ENTR1: variants seen among roughly 807,000 people sequenced by gnomAD.
ENTR1 encodes the protein endosome-associated-trafficking regulator 1.
ENTR1 carries 47 observed loss-of-function variants against 47.9 expected under a neutral mutation model. That is an observed-to-expected ratio of 0.98 (90% CI 0.78 to 1.25). The LOEUF is 1.25. Among genes scored for constraint, ENTR1 ranks in the 50% most tolerant of loss-of-function variants. The pLI, the probability that ENTR1 is intolerant of heterozygous loss-of-function variation, is 0.00. For missense variants in ENTR1, 668 were observed against 570.5 expected (o/e 1.17, Z -1.74); for synonymous variants, 290 against 245.8 (o/e 1.18, Z -1.68).
chr9:136,409,939 AG>A, intron 2 of ENTR1, 150 bp downstream of exon 2: 1 of 925,762 alleles, frequency 1.1e-6, no homozygotes, highest in Non-Finnish European at 1.7e-6. Context: ...AGCTCCTAGC[AG>A]GGGACTCCGC....
chr9:136,406,870 C>T lies in ENTR1; in HGVS notation c.819+275G>A, dbSNP rs979649159. On this transcript the variant is annotated intron_variant, in intron 5 of 9. Coordinates refer to ENST00000357365, the MANE Select transcript of ENTR1 (RefSeq NM_001039707.2). ...CCTCTTGGAATACTTAGCAAGCTGG[C>T]GACTGCAGCCTGCCTTTACTGAGGG... is the stretch of plus-strand genomic sequence containing the variant. 7.0e-5 allele frequency: 25 copies of T among 357,864 alleles called. No individual in the cohort carries two copies. The Middle Eastern group carries it at 2.3e-3, about 32-fold the overall frequency. The allele number at this position is 357,864 out of a possible 1,614,324, so 22.2% of individuals were successfully genotyped here. A position where few individuals can be genotyped will look rare whatever the true frequency, so the allele number is the denominator to read the frequency against.
chr9:136,406,031 G>A, intron 5 of ENTR1, 53 bp from the exon 6 acceptor site: 1 of 1,409,646 alleles, frequency 7.1e-7, no homozygotes, highest in Non-Finnish European at 9.8e-7. Context: ...GCTCAAAAGG[G>A]CGTGTGCTTC....
Position 136,410,374 on chromosome 9 carries a change from C to G in ENTR1, c.24G>C (p.Pro8=). ...GGGCTCGGGACAGCGGGGTGGCGCCCGGGCGGCGCTGGTAGCCCGACATCG... is the reference window on the plus strand; with the variant it reads ...GGGCTCGGGACAGCGGGGTGGCGCCGGGGCGGCGCTGGTAGCCCGACATCG... MSGYQRR[P]GATPLSRARS... The change falls in exon 1 of 10, where the codon CCG becomes CCC. Residue 8 remains proline (P), a synonymous_variant. Transcript: ENST00000357365. 4.8e-6 allele frequency: 7 copies of G among 1,450,844 alleles called. No homozygotes were observed. Among genetic ancestry groups the G allele is most frequent in the Non-Finnish European group, 6.3e-6 (7 of 1,108,496 alleles). 89.9% of individuals were successfully genotyped at this position (1,450,844 alleles called of 1,614,324 possible). A position where few individuals can be genotyped will look rare whatever the true frequency, so the allele number is the denominator to read the frequency against.
Position 136,404,668 on chromosome 9 carries a change from T to C in ENTR1, c.1031A>G (p.His344Arg). The change falls in exon 8 of 10, where the codon CAC becomes CGC. Residue 344 changes from histidine (H) to arginine (R), a missense_variant. Physicochemically the swap from His to Arg is conservative, Grantham distance 29. Coordinates refer to ENST00000357365, the MANE Select transcript of ENTR1 (RefSeq NM_001039707.2). ...GATTTCCTGTTTTAGTTTCACGACG[T>C]GGTTTTCTGCCTTTACAGCCCGTTT... ...MTKRAVKAEN[H>R]VVKLKQEISL... is the part of the protein sequence containing the mutation. The C allele has an allele frequency of 6.2e-7, 1 of 1,614,128 alleles. No homozygotes were observed. The highest frequency in any genetic ancestry group is 2.2e-5 in the East Asian group (1 of 44,876).
rs527601466 is a variant in ENTR1 at position 136,404,136 on chromosome 9, C to A, written c.1127G>T (p.Ser376Ile). The A allele has an allele frequency of 1.9e-6, 3 of 1,613,346 alleles. No homozygotes were observed. The highest frequency in any genetic ancestry group is 2.7e-5 in the African/African-American group (2 of 75,064). Residue 376 changes from serine (S) to isoleucine (I), a missense_variant, in exon 9 of 10, where the codon AGC (serine) becomes ATC (isoleucine). Coordinates refer to ENST00000357365, the MANE Select transcript of ENTR1 (RefSeq NM_001039707.2). ...GGCGTTCTGCTTCACCACGGTCAGG[C>A]TGGCACCCTGGCCGCACCGCAGGGC... Reference protein sequence around the residue: ...NEALRCGQGASLTVVKQNADV... With the variant: ...NEALRCGQGAILTVVKQNADV...
In ENTR1 at chr9:136,410,592, C is replaced by T. The variant is rs1473364426; in HGVS notation, c.-195G>A. The T allele has an allele frequency of 4.0e-6, 5 of 1,261,982 alleles. No individual in the cohort carries two copies. The East Asian group carries it at 8.7e-5, about 22-fold the overall frequency. 78.2% of individuals were successfully genotyped at this position (1,261,982 alleles called of 1,614,324 possible). On this transcript the variant is annotated 5_prime_UTR_variant, in exon 1 of 10. Coordinates refer to ENST00000357365, the MANE Select transcript of ENTR1 (RefSeq NM_001039707.2). Reference sequence around the variant, plus strand: ...GCACCGAAAGCGCGTGCCTGAACGCCTTGGGCCGTCGGCGAGGGGGAGGGG... The same window carrying T: ...GCACCGAAAGCGCGTGCCTGAACGCTTTGGGCCGTCGGCGAGGGGGAGGGG...
intron 5 of ENTR1, among the ~76,000 whole-genome samples, chr9:136,406,208 G>A (rs1017589218): frequency 6.6e-6 from 1 of 152,098 alleles, no homozygotes; most frequent in Non-Finnish European, 1.5e-5. Flanking sequence ...AGTGGCTCGC[G>A]CCTGTAATCC....
At chr9:136,409,114 G>A (rs994004877) in intron 2 of ENTR1, 47 bp from the exon 3 acceptor site, 3 of 1,565,818 alleles carry the variant, frequency 1.9e-6, no homozygotes, top group Middle Eastern at 1.7e-4. Context: ...AAGTCTTTAT[G>A]ACCTCACATT....
Position 136,402,811 on chromosome 9 carries a change from T to C in ENTR1, c.1285A>G (p.Lys429Glu). ...CCTCAAGAGTCTTCCTCCTCGTCTTTAACTTCAGAAATTCTGTCTATAGAT... is the reference window on the plus strand; with the variant it reads ...CCTCAAGAGTCTTCCTCCTCGTCTTCAACTTCAGAAATTCTGTCTATAGAT... ...LKSIDRISEV[K>E]DEEEDS The change falls in exon 10 of 10, where the codon AAA (lysine) becomes GAA (glutamate). Residue 429 changes from lysine (K) to glutamate (E), a missense_variant. Lys to Glu is a moderately conservative substitution (Grantham distance 56). Transcript: ENST00000357365. The C allele has an allele frequency of 6.2e-7, 1 of 1,613,086 alleles. No individual in the cohort carries two copies. Among genetic ancestry groups the C allele is most frequent in the Non-Finnish European group, 8.5e-7 (1 of 1,179,760 alleles).
rs779114256 is a variant in ENTR1 at position 136,407,150 on chromosome 9, C to T, written c.814G>A (p.Asp272Asn). 4.4e-6 allele frequency: 7 copies of T among 1,593,810 alleles called. No individual in the cohort carries two copies. Among genetic ancestry groups the T allele is most frequent in the Non-Finnish European group, 3.4e-6 (4 of 1,166,544 alleles). ...GCGCCGTGAGGCTCACTTACTGCGT[C>T]GTAACTTATCTGCAGCGTCCGCAGG... The part of the protein sequence containing the change: ...RHLRTLQISY[D>N]ALKDENSKLR... The change falls in exon 5 of 10, where the codon GAC becomes AAC. Residue 272 changes from aspartate (D) to asparagine (N), a missense_variant. Transcript: ENST00000357365.
At chr9:136,408,380 C>T (rs1175828738) in intron 3 of ENTR1, among the ~76,000 whole-genome samples, 1 of 152,088 alleles carries the variant, frequency 6.6e-6, no homozygotes, top group East Asian at 1.9e-4. Context: ...AGACTGAGAC[C>T]ATCCTGGCTA....
chr9:136,406,107 C>A, intron 5 of ENTR1, 129 bp from the exon 6 acceptor site: 2 of 541,806 alleles, frequency 3.7e-6, no homozygotes, highest in Non-Finnish European at 6.4e-6. Context: ...CCACCTGCAG[C>A]CACTACAGAG....
chr9:136,407,953 A>G lies in ENTR1; in HGVS notation c.290-15T>C. On this transcript the variant is annotated splice_polypyrimidine_tract_variant and intron_variant, in intron 3 of 9. Transcript: ENST00000357365. Reference sequence around the variant, plus strand: ...AAATCTGTCATCTGAAATAACAGACATCACAAATGCATAAAGTCTACTGAA... The same window carrying G: ...AAATCTGTCATCTGAAATAACAGACGTCACAAATGCATAAAGTCTACTGAA... 1 of 1,487,296 alleles carries G rather than the reference A, an allele frequency of 6.7e-7. No individual in the cohort carries two copies. The highest frequency in any genetic ancestry group is 1.1e-5 in the South Asian group (1 of 88,484). The allele number at this position is 1,487,296 out of a possible 1,614,324, so 92.1% of individuals were successfully genotyped here.
intron 2 of ENTR1, 47 bp from the exon 3 acceptor site, chr9:136,409,114 G>T (rs994004877): frequency 1.7e-5 from 27 of 1,565,812 alleles, no homozygotes; most frequent in Non-Finnish European, 2.4e-5. Context: ...AAGTCTTTAT[G>T]ACCTCACATT....
Position 136,410,196 on chromosome 9 carries a change from A to C in ENTR1, c.114T>G (p.Asn38Lys), listed in dbSNP as rs771852628. Residue 38 changes from asparagine (N) to lysine (K), a missense_variant, in exon 2 of 10, where the codon AAT becomes AAG. Transcript: ENST00000357365. ...GGTCCCTGCCATGGGGGCGCTCACA[A>C]TTTAGCTGGGGGAGACAAGACCGGC... The part of the protein sequence containing the change: ...YERRSCLPQL[N>K]CERPHGRDLD... 2.6e-5 allele frequency: 41 copies of C among 1,603,344 alleles called. No homozygotes were observed. The highest frequency in any genetic ancestry group is 3.5e-5 in the Non-Finnish European group (41 of 1,176,086).
At position 136,410,381 on chromosome 9, in the gene ENTR1, C is replaced by T. The variant is rs1236515896; in HGVS notation, c.17G>A (p.Arg6His). 2.8e-6 allele frequency: 4 copies of T among 1,422,716 alleles called. No individual in the cohort carries two copies. The highest frequency in any genetic ancestry group is 2.3e-4 in the Middle Eastern group (1 of 4,428). The allele number at this position is 1,422,716 out of a possible 1,614,324, so 88.1% of individuals were successfully genotyped here. Residue 6 changes from arginine (R) to histidine (H), a missense_variant, in exon 1 of 10, where the codon CGC (arginine) becomes CAC (histidine). Transcript: ENST00000357365. The stretch of plus-strand genomic sequence containing the variant: ...GGACAGCGGGGTGGCGCCCGGGCGG[C>T]GCTGGTAGCCCGACATCGCCGCCGG... MSGYQ[R>H]RPGATPLSRA...
intron 9 of ENTR1, 149 bp downstream of exon 9, chr9:136,403,906 C>G: frequency 1.1e-6 from 1 of 909,170 alleles, no homozygotes. Context: ...AGAGAGCTAA[C>G]AGGACCACTG....
In ENTR1 at chr9:136,402,659, G is replaced by A; in HGVS notation, c.*129C>T. ...AAGAACTGGCTGAGGGCACGACACT[G>A]GACTCTTGCGATCAACACTTTACTC... On this transcript the variant is annotated 3_prime_UTR_variant, in exon 10 of 10. Coordinates refer to ENST00000357365, the MANE Select transcript of ENTR1 (RefSeq NM_001039707.2). 1.5e-6 allele frequency: 1 copy of A among 656,180 alleles called. No homozygotes were observed. The highest frequency in any genetic ancestry group is 2.7e-6 in the Non-Finnish European group (1 of 375,104). The allele number at this position is 656,180 out of a possible 1,614,324, so 40.6% of individuals were successfully genotyped here. A position where few individuals can be genotyped will look rare whatever the true frequency, so the allele number is the denominator to read the frequency against.
intron 6 of ENTR1, 187 bp from the exon 7 acceptor site, chr9:136,405,389 C>T (rs1035892950): frequency 6.5e-5 from 37 of 572,638 alleles, no homozygotes; most frequent in African/African-American, 6.4e-4. Flanking sequence ...CAGGGAGCGG[C>T]TCTCACAGCA....
Sources: gnomAD v4.1 joint callset for allele counts (sites outside exome capture counted in the v4.1 genomes callset) on GRCh38, gnomAD v4.1.1 for gene constraint, MANE v1.5 for transcripts, NCBI Gene and HGNC (gene_info 2026-07-23, HGNC 2026-07-21) for gene names.